KAZN: variants seen among roughly 807,000 people sequenced by gnomAD.
The protein encoded by KAZN is kazrin.
Under a neutral mutation model 87.4 loss-of-function variants are expected in KAZN, and 40 were observed. The ratio of observed to expected loss-of-function variants is 0.46; its 90% CI spans 0.36 to 0.60. The LOEUF (loss-of-function observed/expected upper bound fraction) is 0.60, where lower values mean the gene tolerates loss of function less well. KAZN is among the 20% of genes least tolerant of loss of function. KAZN has a pLI of 0.00. For synonymous variants in KAZN, 466 were observed against 458.3 expected, an observed-to-expected ratio of 1.02 and a Z score of -0.22; for missense variants, 898 against 1,073.9, an observed-to-expected ratio of 0.84 and a Z score of 2.29.
chr1:14,049,629 C>T (rs1362575344), intron 1 of KAZN, among the ~76,000 whole-genome samples: 2 of 152,212 alleles, frequency 1.3e-5, no homozygotes, highest in Non-Finnish European at 2.9e-5. Flanking sequence ...CTCTCTCCCT[C>T]TCTTCCTTCC....
At chr1:14,439,133 T>G (rs748652047) in intron 2 of KAZN, among the ~76,000 whole-genome samples, 1 of 152,210 alleles carries the variant, frequency 6.6e-6, no homozygotes, top group Non-Finnish European at 1.5e-5. Context: ...GAACTCATCG[T>G]TTTTCTCCAC....
Position 14,801,320 on chromosome 1 carries a change from G to A in KAZN, c.227-159364G>A, listed in dbSNP as rs535967996. Among the ~76,000 whole-genome samples, 40 of 152,266 alleles carry A rather than the reference G, an allele frequency of 2.6e-4. 3 individuals carry two copies. The South Asian group carries it at 7.7e-3, about 29-fold the overall frequency. ...TCAAAACCAGGAGAAAGTCTGTGCC[G>A]TTATGACTGGCTGACTGGCGCTCAC... On this transcript the variant is annotated intron_variant, in intron 1 of 14. Transcript: ENST00000376030.
chr1:14,259,533 G>A (rs1011553271), intron 2 of KAZN, among the ~76,000 whole-genome samples: 6 of 152,152 alleles, frequency 3.9e-5, no homozygotes, highest in Admixed American at 3.3e-4. Context: ...CCCCCCAAGT[G>A]GCCTGGCAAG....
intron 1 of KAZN, among the ~76,000 whole-genome samples, chr1:14,915,596 C>T (rs1657718884): frequency 1.3e-5 from 2 of 152,168 alleles, no homozygotes; most frequent in Admixed American, 6.5e-5. Flanking sequence ...CCTCTGAGTC[C>T]CCCCTCTTTA....
At chr1:14,405,057 G>T (rs1191464153) in intron 2 of KAZN, among the ~76,000 whole-genome samples, 1 of 152,140 alleles carries the variant, frequency 6.6e-6, no homozygotes, top group Non-Finnish European at 1.5e-5. Flanking sequence ...TGTGGTGGGG[G>T]GTAGGGGGAT....
intron 1 of KAZN, among the ~76,000 whole-genome samples, chr1:13,932,333 T>A (rs1013200163): frequency 1.4e-5 from 2 of 146,168 alleles, no homozygotes; most frequent in African/African-American, 5.2e-5. Flanking sequence ...GGATCTCGGC[T>A]CACTGCAAGC....
chr1:14,797,573 G>A (rs1356054046), intron 1 of KAZN, among the ~76,000 whole-genome samples: 3 of 152,226 alleles, frequency 2.0e-5, no homozygotes, highest in African/African-American at 4.8e-5. Flanking sequence ...ACAATACATC[G>A]AATCAAGAAA....
intron 1 of KAZN, among the ~76,000 whole-genome samples, chr1:14,836,927 G>A (rs956084661): frequency 6.6e-6 from 1 of 152,070 alleles, no homozygotes; most frequent in Non-Finnish European, 1.5e-5. Context: ...CCACCTGCAG[G>A]TGCTTCCCGT....
chr1:15,103,060 C>T (rs947276869), intron 11 of KAZN, among the ~76,000 whole-genome samples: 8 of 152,292 alleles, frequency 5.3e-5, no homozygotes, highest in South Asian at 4.1e-4. Flanking sequence ...GTCAGGAGTT[C>T]GAGACCAGCC....
intron 2 of KAZN, among the ~76,000 whole-genome samples, chr1:14,419,879 A>G (rs535831180): frequency 2.6e-5 from 4 of 152,264 alleles, no homozygotes; most frequent in Admixed American, 6.5e-5. Context: ...TCGCACAGAC[A>G]GTGAGACCCC....
intron 1 of KAZN, among the ~76,000 whole-genome samples, chr1:14,038,662 G>A (rs1161306548): frequency 6.6e-6 from 1 of 152,186 alleles, no homozygotes; most frequent in African/African-American, 2.4e-5. Context: ...CTCGGGAGGG[G>A]TGCAGGGTCT....
At chr1:14,854,530 C>A (rs7514155) in intron 1 of KAZN, among the ~76,000 whole-genome samples, 25,969 of 151,970 alleles carry the variant, frequency 0.17, 2,557 homozygotes, top group African/African-American at 0.27. Context: ...GGATGCAGAC[C>A]CACGTGAAGA....
At chr1:13,898,409 T>C (rs1639124651) in intron 1 of KAZN, among the ~76,000 whole-genome samples, 1 of 152,248 alleles carries the variant, frequency 6.6e-6, no homozygotes, top group African/African-American at 2.4e-5. Context: ...TTGTGCCAAG[T>C]TCTGACTTGC....
chr1:15,105,590 GT>G (rs937386941), intron 13 of KAZN, among the ~76,000 whole-genome samples: 18 of 151,896 alleles, frequency 1.2e-4, no homozygotes, highest in Admixed American at 9.8e-4. Context: ...CTATCTAAAG[GT>G]TTGTTGGTTT....
chr1:14,129,997 A>G (rs1644958123), intron 1 of KAZN, among the ~76,000 whole-genome samples: 2 of 152,248 alleles, frequency 1.3e-5, no homozygotes, highest in African/African-American at 2.4e-5. Flanking sequence ...AGCAACCTGC[A>G]TACATAATAC....
At chr1:14,175,108 T>G (rs1280516010) in intron 1 of KAZN, among the ~76,000 whole-genome samples, 1 of 152,162 alleles carries the variant, frequency 6.6e-6, no homozygotes, top group African/African-American at 2.4e-5. Context: ...GGTTTTGTTT[T>G]CGTTTTTGTT....
chr1:14,197,651 A>G (rs1215635605), intron 2 of KAZN, among the ~76,000 whole-genome samples: 1 of 152,096 alleles, frequency 6.6e-6, no homozygotes, highest in Admixed American at 6.6e-5. Flanking sequence ...TCACACCACT[A>G]CACTTCAGCC....
At chr1:14,813,991 T>G (rs1176427891) in intron 1 of KAZN, among the ~76,000 whole-genome samples, 1 of 152,202 alleles carries the variant, frequency 6.6e-6, no homozygotes. Context: ...CCCCAGGAAC[T>G]GGGGGCCAGG....
intron 1 of KAZN, among the ~76,000 whole-genome samples, chr1:13,933,083 A>G (rs903702494): frequency 1.3e-5 from 2 of 152,160 alleles, no homozygotes; most frequent in African/African-American, 2.4e-5. Flanking sequence ...AGCATTGTAC[A>G]TGACTATCAC....
Sources: allele counts gnomAD v4.1 joint callset (sites outside exome capture counted in the v4.1 genomes callset), GRCh38; gene constraint gnomAD v4.1.1; transcripts MANE v1.5; gene names NCBI Gene and HGNC (gene_info 2026-07-23, HGNC 2026-07-21).